Variants in ZNF582 observed in about 807,000 individuals in gnomAD.
The protein encoded by ZNF582 is zinc finger protein 582.
A neutral mutation model predicts 12.3 loss-of-function variants in ZNF582; 14 were observed. The ratio of observed to expected loss-of-function variants is 1.14; its 90% confidence interval spans 0.75 to 1.78. The LOEUF is 1.78. Among genes scored for constraint, ZNF582 ranks in the 40% most tolerant of loss-of-function variants. The probability of loss-of-function intolerance (pLI) is 0.00; values close to 1 mark genes in which losing one functional copy is unlikely to be tolerated. For missense variants in ZNF582, 567 were observed against 616.5 expected, an observed-to-expected ratio of 0.92 and a Z score of 0.85; for synonymous variants, 210 against 207.2, an observed-to-expected ratio of 1.01 and a Z score of -0.11.
chr19:56,392,392 C>G (rs753991648), intron 1 of ZNF582, among the ~76,000 whole-genome samples: 2 of 152,230 alleles, frequency 1.3e-5, no homozygotes, highest in Non-Finnish European at 2.9e-5. Context: ...TTGGAAGGAA[C>G]AGTAAGAGAC....
At position 56,393,380 on chromosome 19, in the gene ZNF582, C is replaced by A; in HGVS notation, c.-241G>T. On this transcript the variant is annotated 5_prime_UTR_variant, in exon 1 of 5. Transcript: ENST00000586929. ...CGTTCTTCTCAGGCCTGAGACCCAA[C>A]CGGCCCGGGCACCAGCTCCTGCTGG... 4 of 735,902 alleles carry A rather than the reference C, an allele frequency of 5.4e-6. No homozygotes were observed. The South Asian group carries it at 5.7e-5, about 10-fold the overall frequency. 45.6% of individuals were successfully genotyped at this position (735,902 alleles called of 1,614,324 possible).
In ZNF582 at chr19:56,393,137, G is replaced by A. The variant is rs866008356; in HGVS notation, c.-81+83C>T. 7.7e-4 allele frequency: 784 copies of A among 1,013,512 alleles called. 9 individuals are homozygous for A. In the African/African-American group the frequency reaches 0.019, roughly 24 times the overall value. 62.8% of individuals were successfully genotyped at this position (1,013,512 alleles called of 1,614,324 possible). A position where few individuals can be genotyped will look rare whatever the true frequency, so the allele number is the denominator to read the frequency against. ...CCTCATGAAACAAGATTTCCTCTCA[G>A]ATTAAAAAAAAAAAAAGGCACGCAT... On this transcript the variant is annotated intron_variant, in intron 1 of 4. Coordinates refer to ENST00000586929, the Ensembl canonical transcript of ZNF582.
At position 56,390,065 on chromosome 19, in the gene ZNF582, G is replaced by A. The variant is rs147410977; in HGVS notation, c.168C>T (p.Ser56=). 2,696 of 1,613,890 alleles carry A rather than the reference G, an allele frequency of 1.7e-3. 5 individuals carry two copies. The highest frequency in any genetic ancestry group is 2.0e-3 in the Non-Finnish European group (2,418 of 1,179,982). The stretch of plus-strand genomic sequence containing the variant: ...AGGGCTCTTTGCCTTGCTCTAGGAA[G>A]GAGATCACATCAGGTTTGGAAACGG... Residue 56 remains serine, a synonymous_variant, in exon 4 of 5, where the codon TCC becomes TCT. Transcript: ENST00000586929.
chr19:56,385,389 A>C (rs1008315573), intron 4 of ZNF582, among the ~76,000 whole-genome samples: 6 of 152,194 alleles, frequency 3.9e-5, no homozygotes, highest in Non-Finnish European at 8.8e-5. Context: ...AAGTGATTCT[A>C]AAATGTTAGT....
intron 4 of ZNF582, chr19:56,386,332 T>C (rs1378314064): frequency 2.0e-5 from 3 of 152,230 alleles, no homozygotes; most frequent in Non-Finnish European, 2.9e-5. Flanking sequence ...AACACCATGG[T>C]GTTTTTTATA....
At chr19:56,390,376 C>T (rs751633496) in exon 3 of ZNF582, 2 of 1,614,218 alleles carry the variant, frequency 1.2e-6, no homozygotes, top group Middle Eastern at 1.6e-4. Context: ...TCACCTTACC[C>T]AGTGAGACCA....
chr19:56,384,975 C>T, exon 5 of ZNF582: 1 of 1,614,120 alleles, frequency 6.2e-7, no homozygotes, highest in Non-Finnish European at 8.5e-7. Context: ...GTGGGCATTT[C>T]TTCATGTCTG....
At chr19:56,387,390 T>C (rs1353849882) in intron 4 of ZNF582, 2 of 152,206 alleles carry the variant, frequency 1.3e-5, no homozygotes, top group African/African-American at 4.8e-5. Flanking sequence ...AAACTGTACC[T>C]TCTTAAATTC....
At chr19:56,393,109 G>T in intron 1 of ZNF582, 111 bp downstream of exon 1, 2 of 938,192 alleles carry the variant, frequency 2.1e-6, no homozygotes, top group Non-Finnish European at 2.9e-6. Flanking sequence ...AACTCTCTGA[G>T]AACCTCATGA....
At chr19:56,382,992 G>A (rs1338543585) in exon 5 of ZNF582, 1 of 152,220 alleles carries the variant, frequency 6.6e-6, no homozygotes, top group Non-Finnish European at 1.5e-5. Flanking sequence ...TCTTCTGAAT[G>A]AGGAAAATCT....
intron 4 of ZNF582, among the ~76,000 whole-genome samples, chr19:56,388,097 T>C (rs778216472): frequency 1.1e-4 from 17 of 149,856 alleles, no homozygotes; most frequent in Admixed American, 4.7e-4. Flanking sequence ...TAGCTTTTAC[T>C]GAATTGTTGA....
In ZNF582 at chr19:56,385,185, C is replaced by A. The variant is rs1407395935; in HGVS notation, c.233-1G>T. On this transcript the variant is annotated splice_acceptor_variant, in intron 4 of 4. Transcript: ENST00000586929. LOFTEE classifies it high-confidence loss of function. ...TTGGTATCATATCTGGACTCCAATA[C>A]TAAGAATGAAAAAAAGCGAATATGT... 3 of 1,562,296 alleles carry A rather than the reference C, an allele frequency of 1.9e-6. No homozygotes were observed. The highest frequency in any genetic ancestry group is 2.0e-5 in the Admixed American group (1 of 48,822).
At chr19:56,383,578 TG>T (rs2041936072) in exon 5 of ZNF582, 1 of 265,950 alleles carries the variant, frequency 3.8e-6, no homozygotes, top group Non-Finnish European at 7.0e-6. Context: ...ATAATCTGGC[TG>T]TTTTTTTAAC....
exon 5 of ZNF582, chr19:56,384,481 T>C: frequency 6.2e-7 from 1 of 1,606,714 alleles, no homozygotes; most frequent in Non-Finnish European, 8.5e-7. Context: ...ATTCCTTGCA[T>C]GCATAGGGTT....
intron 2 of ZNF582, among the ~76,000 whole-genome samples, chr19:56,391,356 A>C (rs1236848636): frequency 2.6e-5 from 4 of 152,218 alleles, no homozygotes; most frequent in South Asian, 2.1e-4. Context: ...TACATATCCA[A>C]TCATTAATCA....
At chr19:56,384,068 G>A (rs1476554485) in exon 5 of ZNF582, 3 of 1,610,784 alleles carry the variant, frequency 1.9e-6, no homozygotes, top group African/African-American at 2.7e-5. Flanking sequence ...ATATTCATAG[G>A]GCTTTTTCTC....
At chr19:56,389,878 AACAC>A in intron 4 of ZNF582, 119 bp downstream of exon 4, 1 of 691,716 alleles carries the variant, frequency 1.4e-6, no homozygotes, top group Non-Finnish European at 2.4e-6. Context: ...TGAGGAAAAC[AACAC>A]GTAAGACATA....
intron 4 of ZNF582, among the ~76,000 whole-genome samples, chr19:56,388,897 A>G (rs2041992806): frequency 6.6e-6 from 1 of 152,144 alleles, no homozygotes; most frequent in South Asian, 2.1e-4. Context: ...GATTATAAGC[A>G]TGAGCCACCA....
At chr19:56,392,780 T>C (rs2042025708) in intron 1 of ZNF582, among the ~76,000 whole-genome samples, 2 of 152,218 alleles carry the variant, frequency 1.3e-5, no homozygotes, top group Non-Finnish European at 2.9e-5. Context: ...TAACCAGTTC[T>C]TGAGCTCACT....
Sources: allele counts gnomAD v4.1 joint callset (sites outside exome capture counted in the v4.1 genomes callset), GRCh38; gene constraint gnomAD v4.1.1; transcripts MANE v1.5; gene names NCBI Gene and HGNC (gene_info 2026-07-23, HGNC 2026-07-21).